Variants in PKN2 observed in about 807,000 individuals in gnomAD.
PKN2 encodes the protein protein kinase N2.
Under a neutral mutation model 119.1 loss-of-function variants are expected in PKN2, and 38 were observed. The observed-to-expected ratio is 0.32, with a 90% CI of 0.25 to 0.42. The LOEUF (loss-of-function observed/expected upper bound fraction) is 0.42, where lower values mean the gene tolerates loss of function less well. Ranked by LOEUF, PKN2 falls within the 10% of genes least tolerant of loss-of-function variation. The pLI, the probability that PKN2 is intolerant of heterozygous loss-of-function variation, is 1.00. For missense variants in PKN2, 850 were observed against 1,165.1 expected (o/e 0.73, Z 3.94); for synonymous variants, 390 against 384.9 (o/e 1.01, Z -0.15).
rs1671523827 is a variant in PKN2 at position 88,806,012 on chromosome 1, G to A, written c.1798G>A (p.Gly600Arg). Residue 600 changes from glycine (G) to arginine (R), a missense_variant, in exon 12 of 22, where the codon GGA (glycine) becomes AGA (arginine). Transcript: ENST00000370521. ...TGAATTAAGAGTTTTGGATATACCAGGACAGGCAAGCCATTTTAAACCTTG... is the reference window on the plus strand; with the variant it reads ...TGAATTAAGAGTTTTGGATATACCAAGACAGGCAAGCCATTTTAAACCTTG... ...SSELRVLDIP[G>R]QDSETVFDIQ... The A allele has an allele frequency of 1.2e-6, 2 of 1,612,742 alleles. No individual in the cohort carries two copies. Among genetic ancestry groups the A allele is most frequent in the Non-Finnish European group, 1.7e-6 (2 of 1,178,838 alleles).
At chr1:88,801,284 C>G (rs1396296541) in intron 8 of PKN2, among the ~76,000 whole-genome samples, 1 of 152,112 alleles carries the variant, frequency 6.6e-6, no homozygotes, top group African/African-American at 2.4e-5. Flanking sequence ...ACTCAGGAGG[C>G]TGAGGCAGGA....
At chr1:88,731,310 A>G (rs201081577) in intron 1 of PKN2, among the ~76,000 whole-genome samples, 2 of 152,376 alleles carry the variant, frequency 1.3e-5, no homozygotes, top group South Asian at 2.1e-4. Flanking sequence ...TTTGAGGCAC[A>G]GAATGTTGGA....
intron 6 of PKN2, among the ~76,000 whole-genome samples, chr1:88,783,618 C>T (rs1670446091): frequency 6.6e-6 from 1 of 151,952 alleles, no homozygotes; most frequent in Non-Finnish European, 1.5e-5. Flanking sequence ...CAACTTTTAC[C>T]AGAAATATTC....
intron 1 of PKN2, among the ~76,000 whole-genome samples, chr1:88,738,996 A>G (rs1299381832): frequency 6.6e-6 from 1 of 152,192 alleles, no homozygotes; most frequent in East Asian, 1.9e-4. Flanking sequence ...TCTAGACAGC[A>G]TTTTGGCTCA....
chr1:88,703,240 G>A (rs1666845742), intron 1 of PKN2, among the ~76,000 whole-genome samples: 1 of 151,922 alleles, frequency 6.6e-6, no homozygotes, highest in Admixed American at 6.6e-5. Flanking sequence ...CTTTTAAACT[G>A]GTGGTGATGG....
chr1:88,813,098 G>C (rs1220866661), intron 15 of PKN2, among the ~76,000 whole-genome samples: 2 of 152,044 alleles, frequency 1.3e-5, no homozygotes, highest in African/African-American at 2.4e-5. Flanking sequence ...TATCTGTACT[G>C]TTCAACTTCA....
intron 17 of PKN2, 25 bp downstream of exon 17, chr1:88,822,028 A>C: frequency 6.7e-7 from 1 of 1,489,408 alleles, no homozygotes; most frequent in Non-Finnish European, 9.0e-7. Context: ...AATTTTTTCT[A>C]ATGGCTTGCT....
At chr1:88,726,573 T>G (rs148065924) in intron 1 of PKN2, among the ~76,000 whole-genome samples, 1 of 152,316 alleles carries the variant, frequency 6.6e-6, no homozygotes, top group South Asian at 2.1e-4. Flanking sequence ...ATATTCAATT[T>G]GAGTATATTT....
chr1:88,688,088 CTT>C (rs35476552), intron 1 of PKN2, among the ~76,000 whole-genome samples: 11 of 147,232 alleles, frequency 7.5e-5, no homozygotes, highest in Non-Finnish European at 1.0e-4. Flanking sequence ...CTACACTATT[CTT>C]TTTTTTTTTT....
rs186236707 is a variant in PKN2, at chr1:88,770,588, T to A, written c.622+119T>A. 1.1e-3 allele frequency: 678 copies of A among 634,966 alleles called. 3 individuals are homozygous for A. The highest frequency in any genetic ancestry group is 6.2e-3 in the Middle Eastern group (18 of 2,882). 39.3% of individuals were successfully genotyped at this position (634,966 alleles called of 1,614,324 possible). A position where few individuals can be genotyped will look rare whatever the true frequency, so the allele number is the denominator to read the frequency against. Reference sequence around the variant, plus strand: ...AAGCATTACTATTACTTTTTTTTTTTTTTCTTTTTTTTTTTGAGACGGAGT... The same window carrying A: ...AAGCATTACTATTACTTTTTTTTTTATTTCTTTTTTTTTTTGAGACGGAGT... On this transcript the variant is annotated intron_variant, in intron 4 of 21. Coordinates refer to ENST00000370521, the MANE Select transcript of PKN2 (RefSeq NM_006256.4).
chr1:88,807,953 C>T (rs1434598378), intron 15 of PKN2, among the ~76,000 whole-genome samples, 178 bp downstream of exon 15: 1 of 151,522 alleles, frequency 6.6e-6, no homozygotes, highest in East Asian at 1.9e-4. Flanking sequence ...CCCTTTTTAC[C>T]CTTCTTGTGA....
In PKN2 at chr1:88,785,562, A is replaced by G. The variant is rs1004468464; in HGVS notation, c.1172-542A>G. Among the ~76,000 whole-genome samples the G allele has an allele frequency of 2.2e-4, 33 of 152,248 alleles. 1 individual carries two copies. Among genetic ancestry groups the G allele is most frequent in the Middle Eastern group, 3.4e-3 (1 of 294 alleles). On this transcript the variant is annotated intron_variant, in intron 7 of 21. Transcript: ENST00000370521. Reference sequence around the variant, plus strand: ...GGGGATGGTAGGGGTTGGTTTGAGGAGAGTAAAATGCAAGAGGTTTGGAAA... The same window carrying G: ...GGGGATGGTAGGGGTTGGTTTGAGGGGAGTAAAATGCAAGAGGTTTGGAAA...
chr1:88,754,182 C>A (rs977327518), intron 2 of PKN2, among the ~76,000 whole-genome samples: 2 of 152,016 alleles, frequency 1.3e-5, no homozygotes, highest in Non-Finnish European at 2.9e-5. Context: ...GTATTGTCTT[C>A]AAATCACTAT....
At chr1:88,806,961 G>A (rs544477036) in intron 12 of PKN2, among the ~76,000 whole-genome samples, 2 of 151,946 alleles carry the variant, frequency 1.3e-5, no homozygotes, top group Admixed American at 6.6e-5. Flanking sequence ...CAGGTGAGCC[G>A]CCCGCCTCGG....
rs566400228 is a variant in PKN2, at chr1:88,747,745, T to C, written c.349+6457T>C. 2.0e-4 allele frequency among the ~76,000 whole-genome samples: 31 copies of C among 152,218 alleles called. 1 individual carries two copies. The South Asian group carries it at 5.0e-3, about 24-fold the overall frequency. On this transcript the variant is annotated intron_variant, in intron 2 of 21. Coordinates refer to ENST00000370521, the MANE Select transcript of PKN2 (RefSeq NM_006256.4). ...CTTAGATTGGTTTTTACTTATTAAT[T>C]TGGTGAATATTTTCTTCAATATTTG...
rs537468044 is a variant in PKN2, at chr1:88,698,829, C to T, written c.48+14201C>T. Among the ~76,000 whole-genome samples the T allele has an allele frequency of 2.6e-5, 4 of 152,292 alleles. No homozygotes were observed. The East Asian group carries it at 7.7e-4, about 29-fold the overall frequency. On this transcript the variant is annotated intron_variant, in intron 1 of 21. Transcript: ENST00000370521. ...TAGGTGACTTACAAAAGACATTTAA[C>T]CAACTTCTGTTTTCCCTTCTTCATT...
At chr1:88,799,009 G>T (rs1671205192) in intron 8 of PKN2, among the ~76,000 whole-genome samples, 1 of 151,666 alleles carries the variant, frequency 6.6e-6, no homozygotes, top group South Asian at 2.1e-4. Context: ...GTTTGAGTTG[G>T]AGAATAAGAT....
rs527405529 is a variant in PKN2, at chr1:88,835,557, AATATAT to A, written c.*2116_*2121del. 1 of 152,308 alleles carries A rather than the reference AATATAT, an allele frequency of 6.6e-6. No individual in the cohort carries two copies. The allele number at this position is 152,308 out of a possible 1,614,324, so 9.4% of individuals were successfully genotyped here. A position where few individuals can be genotyped will look rare whatever the true frequency, so the allele number is the denominator to read the frequency against. ...AAAGCACTAATTTTTTGTAGTTTAA[AATATAT>A]ATATATTTTAGTCAGATTTAAAATT... On this transcript the variant is annotated 3_prime_UTR_variant, in exon 22 of 22. Transcript: ENST00000370521.
chr1:88,832,716 T>C lies in PKN2; in HGVS notation c.2563-28T>C, dbSNP rs1165162941. ...AGATTTTACTGCCTTAAAACTTGCT[T>C]TAACTTACTCAAAGGTATTTCTTCT... On this transcript the variant is annotated intron_variant, in intron 19 of 21. Coordinates refer to ENST00000370521, the MANE Select transcript of PKN2 (RefSeq NM_006256.4). 2.2e-6 allele frequency: 3 copies of C among 1,371,756 alleles called. No individual in the cohort carries two copies. The East Asian group carries it at 6.9e-5, about 32-fold the overall frequency. The allele number at this position is 1,371,756 out of a possible 1,614,324, so 85.0% of individuals were successfully genotyped here. A position where few individuals can be genotyped will look rare whatever the true frequency, so the allele number is the denominator to read the frequency against.
Sources: allele counts gnomAD v4.1 joint callset (sites outside exome capture counted in the v4.1 genomes callset), GRCh38; gene constraint gnomAD v4.1.1; transcripts MANE v1.5; gene names NCBI Gene and HGNC (gene_info 2026-07-23, HGNC 2026-07-21).